Variants in ENG observed in about 807,000 individuals in gnomAD.
ENG encodes the protein CD105 antigen.
In ENG, 17 loss-of-function variants were observed where a neutral mutation model predicts 71.0. The ratio of observed to expected loss-of-function variants is 0.24; its 90% CI spans 0.16 to 0.36. The LOEUF is 0.36. ENG is among the 10% of genes least tolerant of loss of function. The pLI, the probability that ENG is intolerant of heterozygous loss-of-function variation, is 1.00. For synonymous variants in ENG, 360 were observed against 366.9 expected, an observed-to-expected ratio of 0.98 and a Z score of 0.21; for missense variants, 749 against 868.3, an observed-to-expected ratio of 0.86 and a Z score of 1.73.
Position 127,819,099 on chromosome 9 carries a change from G to A in ENG, c.1312-267C>T, listed in dbSNP as rs530428707. The A allele has an allele frequency of 1.5e-3, 603 of 400,806 alleles. 12 individuals carry two copies. The highest frequency in any genetic ancestry group is 0.012 in the South Asian group (571 of 46,700). The allele number at this position is 400,806 out of a possible 1,614,324, so 24.8% of individuals were successfully genotyped here. ...ATTACAGGTGCCCGCCACCACGCCC[G>A]GCTAATTTTTTGTATTTTTAGTAGA... On this transcript the variant is annotated intron_variant, in intron 10 of 14. Coordinates refer to ENST00000373203, the MANE Select transcript of ENG (RefSeq NM_001114753.3).
chr9:127,836,082 A>G lies in ENG; in HGVS notation c.220-6255T>C, dbSNP rs1163413417. ...CCCAGTCAGGGTTTCTACAGCAAAC[A>G]TTTCCCTCCCCACGGCCCTGACTCA... On this transcript the variant is annotated intron_variant, in intron 2 of 14. Coordinates refer to ENST00000373203, the MANE Select transcript of ENG (RefSeq NM_001114753.3). This position sits in a 1 kb window ranked among gnomAD's most constrained non-coding sequence, Gnocchi z 4.0. Among the ~76,000 whole-genome samples the G allele has an allele frequency of 1.3e-5, 2 of 152,092 alleles. No individual in the cohort carries two copies. Among genetic ancestry groups the G allele is most frequent in the African/African-American group, 4.8e-5 (2 of 41,416 alleles).
chr9:127,825,655 G>T (rs533190979), intron 5 of ENG, 40 bp downstream of exon 5: 3 of 1,486,358 alleles, frequency 2.0e-6, no homozygotes, highest in African/African-American at 2.8e-5. Context: ...GTGGTCTCTC[G>T]GGGTGGGGAC....
chr9:127,818,972 C>T (rs1444067352), intron 10 of ENG, 140 bp from the exon 11 acceptor site: 74 of 741,530 alleles, frequency 1.0e-4, no homozygotes, highest in Non-Finnish European at 9.4e-5. Context: ...GAGTCTCGCT[C>T]TGTCGCCCAG....
chr9:127,815,951 G>A lies in ENG; in HGVS notation c.1844C>T (p.Ser615Leu), dbSNP rs148002300. The change falls in exon 14 of 15, where the codon TCG becomes TTG. Residue 615 changes from serine (S) to leucine (L), a missense_variant. By Grantham distance (145) the Ser-to-Leu change is moderately radical. Transcript: ENST00000373203. Reference protein sequence around the residue: ...LLTAALWYIYSHTRSPSKREP... With the variant: ...LLTAALWYIYLHTRSPSKREP... Reference sequence around the variant, plus strand: ...GGGCCTGGGGTACTCACGCGTGTGCGAGTAGATGTACCAGAGTGCAGCAGT... The same window carrying A: ...GGGCCTGGGGTACTCACGCGTGTGCAAGTAGATGTACCAGAGTGCAGCAGT... 2.0e-3 allele frequency: 3,197 copies of A among 1,599,576 alleles called. 2 individuals carry two copies. The highest frequency in any genetic ancestry group is 2.4e-3 in the Non-Finnish European group (2,866 of 1,173,790).
chr9:127,838,357 G>A lies in ENG; in HGVS notation c.219+4737C>T, dbSNP rs947929548. On this transcript the variant is annotated intron_variant, in intron 2 of 14. Coordinates refer to ENST00000373203, the MANE Select transcript of ENG (RefSeq NM_001114753.3). This position sits in a 1 kb window ranked among gnomAD's most constrained non-coding sequence, Gnocchi z 4.3. ...GGGCTGCCATTGGCAGAGGGCCAGA[G>A]GGAGACTGCTTCCCCCAAGCCCAGG... 6.6e-6 allele frequency among the ~76,000 whole-genome samples: 1 copy of A among 152,174 alleles called. No individual in the cohort carries two copies. The highest frequency in any genetic ancestry group is 2.4e-5 in the African/African-American group (1 of 41,440).
chr9:127,818,274 G>A lies in ENG; in HGVS notation c.1532C>T (p.Ala511Val), dbSNP rs200224098. 17 of 1,614,140 alleles carry A rather than the reference G, an allele frequency of 1.1e-5. No homozygotes were observed. The highest frequency in any genetic ancestry group is 8.0e-5 in the African/African-American group (6 of 75,054). The change falls in exon 12 of 15, where the codon GCG becomes GTG. Residue 511 changes from alanine (A) to valine (V), a missense_variant. Coordinates refer to ENST00000373203, the MANE Select transcript of ENG (RefSeq NM_001114753.3). ...GGTVELIQGR[A>V]AKGNCVSLLS... ...CAGGCTCACACAGTTGCCCTTGGCC[G>A]CCCGGCCCTGGATGAGTTCCACGGT... is the stretch of plus-strand genomic sequence containing the variant.
chr9:127,838,187 G>A lies in ENG; in HGVS notation c.219+4907C>T, dbSNP rs952916615. On this transcript the variant is annotated intron_variant, in intron 2 of 14. Coordinates refer to ENST00000373203, the MANE Select transcript of ENG (RefSeq NM_001114753.3). This position sits in a 1 kb window ranked among gnomAD's most constrained non-coding sequence, Gnocchi z 4.3. ...AGTGCTCCCCTGGAGGATGGAACAG[G>A]AAAGATCCCTGCAGCCCTGAGAGGA... Among the ~76,000 whole-genome samples the A allele has an allele frequency of 6.6e-6, 1 of 152,114 alleles. No individual in the cohort carries two copies. The highest frequency in any genetic ancestry group is 2.4e-5 in the African/African-American group (1 of 41,420).
intron 1 of ENG, among the ~76,000 whole-genome samples, chr9:127,844,978 T>C (rs1281519165): frequency 2.6e-5 from 4 of 152,080 alleles, no homozygotes; most frequent in South Asian, 2.1e-4. Context: ...ACACAGGTCC[T>C]GAGGGAAAGG....
At position 127,830,161 on chromosome 9, in the gene ENG, G is replaced by A. The variant is rs532568968; in HGVS notation, c.220-334C>T. ...GTTGGAGACCAGCCTGACCAACATG[G>A]TGAAACCCCATCTGTACTAAAAATA... On this transcript the variant is annotated intron_variant, in intron 2 of 14. Coordinates refer to ENST00000373203, the MANE Select transcript of ENG (RefSeq NM_001114753.3). 2.9e-3 allele frequency among the ~76,000 whole-genome samples: 446 copies of A among 152,002 alleles called. 5 individuals carry two copies. The highest frequency in any genetic ancestry group is 0.01 in the African/African-American group (422 of 41,448).
intron 1 of ENG, among the ~76,000 whole-genome samples, chr9:127,851,026 C>T (rs926470146): frequency 6.6e-6 from 1 of 151,922 alleles, no homozygotes. Context: ...AAATGTGGAC[C>T]CATCTGGATT....
intron 2 of ENG, among the ~76,000 whole-genome samples, chr9:127,841,786 C>T (rs1831037396): frequency 6.6e-6 from 1 of 152,136 alleles, no homozygotes; most frequent in Non-Finnish European, 1.5e-5. Flanking sequence ...CAGAAGCCAC[C>T]TGAACACTGA....
At position 127,825,788 on chromosome 9, in the gene ENG, C is replaced by G. The variant is rs548424658; in HGVS notation, c.596G>C (p.Arg199Pro). ...GCAGCCCCGGACCAAGGCTGGAGTA[C>G]GCGGCCGCCACTCGAGCGTGCGGCC... ...DMGRTLEWRP[R>P]TPALVRGCHL... The change falls in exon 5 of 15, where the codon CGT becomes CCT. Residue 199 changes from arginine to proline, a missense_variant. Physicochemically the swap from Arg to Pro is moderately radical, Grantham distance 103. Coordinates refer to ENST00000373203, the MANE Select transcript of ENG (RefSeq NM_001114753.3). 2 of 1,594,220 alleles carry G rather than the reference C, an allele frequency of 1.3e-6. No homozygotes were observed. The highest frequency in any genetic ancestry group is 3.5e-5 in the Admixed American group (2 of 57,538).
At chr9:127,816,117 G>A in intron 13 of ENG, 64 bp from the exon 14 acceptor site, 1 of 1,565,080 alleles carries the variant, frequency 6.4e-7, no homozygotes, top group African/African-American at 1.3e-5. Flanking sequence ...ACCCTGTTGT[G>A]CTGGCCCATG....
Position 127,825,767 on chromosome 9 carries a change from C to G in ENG, c.617G>C (p.Gly206Ala), listed in dbSNP as rs201393380. 1.2e-4 allele frequency: 188 copies of G among 1,598,658 alleles called. 2 individuals carry two copies. In the African/African-American group the frequency reaches 2.4e-3, roughly 20 times the overall value. ...GCCGGCCACGCCTTCCAAGTGGCAG[C>G]CCCGGACCAAGGCTGGAGTACGCGG... ...WRPRTPALVR[G>A]CHLEGVAGHK... is the part of the protein sequence containing the mutation. Residue 206 changes from glycine (G) to alanine (A), a missense_variant, in exon 5 of 15, where the codon GGC becomes GCC. Coordinates refer to ENST00000373203, the MANE Select transcript of ENG (RefSeq NM_001114753.3).
chr9:127,843,191 T>C lies in ENG; in HGVS notation c.122A>G (p.Glu41Gly). 6.2e-7 allele frequency: 1 copy of C among 1,614,212 alleles called. No individual in the cohort carries two copies. The highest frequency in any genetic ancestry group is 8.5e-7 in the Non-Finnish European group (1 of 1,180,042). The change falls in exon 2 of 15, where the codon GAG (glutamate) becomes GGG (glycine). Residue 41 changes from glutamate to glycine, a missense_variant. Transcript: ENST00000373203. ...GACCTGGCTAGTGGTATATGTCACC[T>C]CGCCCCTCTCGGGGCCCACAGGCTG... ...DLQPVGPERG[E>G]VTYTTSQVSK...
Position 127,818,157 on chromosome 9 carries a change from G to C in ENG, c.1649C>G (p.Thr550Arg). 1 of 1,614,210 alleles carries C rather than the reference G, an allele frequency of 6.2e-7. No individual in the cohort carries two copies. Among genetic ancestry groups the C allele is most frequent in the South Asian group, 1.1e-5 (1 of 91,088 alleles). ...PIPKTGTLSC[T>R]VALRPKTGSQ... Reference sequence around the variant, plus strand: ...CCCGGTCTTGGGACGCAGGGCTACCGTGCAGCTGAGGGTGCCGGTTTTGGG... The same window carrying C: ...CCCGGTCTTGGGACGCAGGGCTACCCTGCAGCTGAGGGTGCCGGTTTTGGG... Residue 550 changes from threonine (T) to arginine (R), a missense_variant, in exon 12 of 15, where the codon ACG becomes AGG. Thr to Arg is a moderately conservative substitution (Grantham distance 71). Transcript: ENST00000373203.
chr9:127,831,486 C>A (rs1214153989), intron 2 of ENG, among the ~76,000 whole-genome samples: 1 of 151,322 alleles, frequency 6.6e-6, no homozygotes, highest in Non-Finnish European at 1.5e-5. Context: ...GTACCAGGTT[C>A]AATTCATTCT....
intron 12 of ENG, chr9:127,817,625 A>G (rs5031024): frequency 0.021 from 7,492 of 360,824 alleles, 384 homozygotes; most frequent in African/African-American, 0.11. Flanking sequence ...TGTCTGTGCA[A>G]GGGCCTGGGG....
At chr9:127,828,019 CAAAAAA>C (rs997493323) in intron 3 of ENG, among the ~76,000 whole-genome samples, 11 of 31,208 alleles carry the variant, frequency 3.5e-4, no homozygotes, top group African/African-American at 6.7e-4. Flanking sequence ...AACTCCATCT[CAAAAAA>C]AAAAAAAAAA....
Sources: gnomAD v4.1 joint callset for allele counts (sites outside exome capture counted in the v4.1 genomes callset) on GRCh38, gnomAD v4.1.1 for gene constraint, Gnocchi (gnomAD v3.1) non-coding constraint, MANE v1.5 for transcripts, NCBI Gene and HGNC (gene_info 2026-07-23, HGNC 2026-07-21) for gene names.